Variants in KCNJ6 observed in about 807,000 individuals in gnomAD.
KCNJ6 encodes potassium inwardly rectifying channel subfamily J member 6, also known as G protein-activated inward rectifier potassium channel 2.
Under a neutral mutation model 34.2 loss-of-function variants are expected in KCNJ6, and 9 were observed. That is an observed-to-expected ratio of 0.26 (90% confidence interval 0.16 to 0.46). The LOEUF (loss-of-function observed/expected upper bound fraction) is 0.46. KCNJ6 is among the 20% of genes least tolerant of loss of function. The probability of loss-of-function intolerance (pLI) is 1.00; values close to 1 mark genes in which losing one functional copy is unlikely to be tolerated. For missense variants in KCNJ6, 236 were observed against 531.3 expected (o/e 0.44, Z 5.46); for synonymous variants, 196 against 207.1 (o/e 0.95, Z 0.46).
chr21:37,870,373 C>T (rs1047076373), intron 1 of KCNJ6, among the ~76,000 whole-genome samples: 7 of 152,118 alleles, frequency 4.6e-5, no homozygotes, highest in Non-Finnish European at 1.0e-4. Context: ...ACCTTTTAAG[C>T]ATCTGTTTTC....
At chr21:37,633,269 C>A in intron 3 of KCNJ6, among the ~76,000 whole-genome samples, 1 of 152,116 alleles carries the variant, frequency 6.6e-6, no homozygotes, top group South Asian at 2.1e-4. Flanking sequence ...TGATAAAATT[C>A]AAAAACCACT....
At chr21:37,890,708 A>T (rs2055757973) in intron 1 of KCNJ6, among the ~76,000 whole-genome samples, 1 of 152,140 alleles carries the variant, frequency 6.6e-6, no homozygotes, top group Non-Finnish European at 1.5e-5. Flanking sequence ...AAGGAATAAA[A>T]CATGGCGGCT....
chr21:37,783,566 G>A (rs763352619), intron 2 of KCNJ6, among the ~76,000 whole-genome samples: 3 of 152,072 alleles, frequency 2.0e-5, no homozygotes, highest in Non-Finnish European at 2.9e-5. Context: ...TCCTAGTCTC[G>A]GGTATGTTTT....
intron 2 of KCNJ6, among the ~76,000 whole-genome samples, chr21:37,771,275 G>A (rs2055116630): frequency 6.6e-6 from 1 of 152,156 alleles, no homozygotes; most frequent in African/African-American, 2.4e-5. Context: ...AGTTGACTTT[G>A]AGTGTGAGAG....
chr21:37,896,529 G>A (rs2055789099), intron 1 of KCNJ6, among the ~76,000 whole-genome samples: 1 of 152,184 alleles, frequency 6.6e-6, no homozygotes. Context: ...AACATTACGG[G>A]CACGGAACAT....
intron 3 of KCNJ6, among the ~76,000 whole-genome samples, chr21:37,631,774 G>A (rs1487076304): frequency 6.6e-6 from 1 of 152,200 alleles, no homozygotes; most frequent in Non-Finnish European, 1.5e-5. Flanking sequence ...GTGCTGCTGT[G>A]AGTCAGAGAC....
At chr21:37,694,647 G>T (rs1350786611) in intron 3 of KCNJ6, among the ~76,000 whole-genome samples, 2 of 152,118 alleles carry the variant, frequency 1.3e-5, no homozygotes, top group Non-Finnish European at 2.9e-5. Context: ...CTTTATTATT[G>T]CTCTGATTTG....
intron 1 of KCNJ6, among the ~76,000 whole-genome samples, chr21:37,912,186 T>TGG (rs2055869977): frequency 6.6e-6 from 1 of 152,158 alleles, no homozygotes; most frequent in Non-Finnish European, 1.5e-5. Flanking sequence ...ACCAAGTGAA[T>TGG]GGGGGCGAAT....
At chr21:37,820,595 C>T (rs779085288) in intron 2 of KCNJ6, among the ~76,000 whole-genome samples, 12 of 152,192 alleles carry the variant, frequency 7.9e-5, no homozygotes, top group East Asian at 1.9e-4. Context: ...CTTCCTGCTA[C>T]GAATTCTGGG....
intron 3 of KCNJ6, among the ~76,000 whole-genome samples, chr21:37,703,980 G>T (rs2054705503): frequency 6.6e-6 from 1 of 152,250 alleles, no homozygotes; most frequent in African/African-American, 2.4e-5. Context: ...TTGCCCTGCT[G>T]GGCCTGGTTT....
chr21:37,689,415 T>G (rs1044475366), intron 3 of KCNJ6, among the ~76,000 whole-genome samples: 1 of 152,194 alleles, frequency 6.6e-6, no homozygotes, highest in African/African-American at 2.4e-5. Flanking sequence ...TTCAGTGGTT[T>G]CCATCTTGTT....
chr21:37,654,213 A>C (rs2054447185), intron 3 of KCNJ6, among the ~76,000 whole-genome samples: 1 of 142,930 alleles, frequency 7.0e-6, no homozygotes. Context: ...CCTTTCATTC[A>C]TTCACTCATG....
intron 2 of KCNJ6, among the ~76,000 whole-genome samples, chr21:37,826,396 A>C (rs1180936980): frequency 6.6e-6 from 1 of 152,170 alleles, no homozygotes; most frequent in Non-Finnish European, 1.5e-5. Context: ...GTCTTAGTTT[A>C]AAAAAGTGAA....
chr21:37,737,952 T>G (rs1182466780), intron 2 of KCNJ6, among the ~76,000 whole-genome samples: 2 of 152,242 alleles, frequency 1.3e-5, no homozygotes, highest in Non-Finnish European at 2.9e-5. Flanking sequence ...TCTGGGCTTC[T>G]CCCTGGGGTC....
chr21:37,818,785 C>A (rs1396039559), intron 2 of KCNJ6, among the ~76,000 whole-genome samples: 1 of 152,170 alleles, frequency 6.6e-6, no homozygotes, highest in Non-Finnish European at 1.5e-5. Context: ...CCTCTTCTAC[C>A]TTTTCTTTGT....
rs1019803321 is a variant in KCNJ6, at chr21:37,770,831, C to T, written c.26-55700G>A. ...GGATATATTTGTATATATATGTTTT[C>T]CCCCTTCTTTTATCTCCTATCTAAT... On this transcript the variant is annotated intron_variant, in intron 2 of 3. Coordinates refer to ENST00000609713, the MANE Select transcript of KCNJ6 (RefSeq NM_002240.5). 1.3e-4 allele frequency among the ~76,000 whole-genome samples: 20 copies of T among 152,212 alleles called. No individual in the cohort carries two copies. The Middle Eastern group carries it at 0.01, about 78-fold the overall frequency.
intron 3 of KCNJ6, among the ~76,000 whole-genome samples, chr21:37,704,419 G>A (rs868475782): frequency 6.6e-6 from 1 of 152,116 alleles, no homozygotes. Flanking sequence ...GGGCCAATGC[G>A]AATGGAGCCT....
chr21:37,764,296 T>A (rs531534012), intron 2 of KCNJ6, among the ~76,000 whole-genome samples: 151 of 152,000 alleles, frequency 9.9e-4, no homozygotes, highest in African/African-American at 3.5e-3. Flanking sequence ...ATCAGCAGAG[T>A]ATTTAGGAAG....
intron 3 of KCNJ6, among the ~76,000 whole-genome samples, chr21:37,681,788 G>A (rs78541946): frequency 6.6e-6 from 1 of 152,050 alleles, no homozygotes; most frequent in African/African-American, 2.4e-5. Context: ...ACGAAGAGAG[G>A]AGTAGAGGGA....
Sources: gnomAD v4.1 joint callset for allele counts (sites outside exome capture counted in the v4.1 genomes callset) on GRCh38, gnomAD v4.1.1 for gene constraint, MANE v1.5 for transcripts, NCBI Gene and HGNC (gene_info 2026-07-23, HGNC 2026-07-21) for gene names.